The following NUP188 variants were observed in gnomAD, a reference collection of about 807,000 sequenced individuals.
The protein encoded by NUP188 is nucleoporin NUP188.
Under a neutral mutation model 223.0 loss-of-function variants are expected in NUP188, and 97 were observed. The ratio of observed to expected loss-of-function variants is 0.43; its 90% CI spans 0.37 to 0.51. The LOEUF (loss-of-function observed/expected upper bound fraction) is 0.51. Ranked by LOEUF, NUP188 falls within the 20% of genes least tolerant of loss-of-function variation. The pLI is 0.00. For missense variants in NUP188, 1,947 were observed against 2,175.6 expected (o/e 0.89, Z 2.09); for synonymous variants, 869 against 828.0 (o/e 1.05, Z -0.85).
Position 128,982,598 on chromosome 9 carries a change from G to A in NUP188, c.1566G>A (p.Met522Ile), listed in dbSNP as rs770472789. The A allele has an allele frequency of 3.7e-5, 59 of 1,614,020 alleles. 1 individual carries two copies. The South Asian group carries it at 4.9e-4, about 14-fold the overall frequency. Reference protein sequence around the residue: ...RIPQGTVGQVMLDDRAYLVRW... With the variant: ...RIPQGTVGQVILDDRAYLVRW... ...CTCAAGGCACTGTGGGCCAAGTAAT[G>A]TTGGATGATAGGGCATACCTGGTAC... is the stretch of plus-strand genomic sequence containing the variant. The change falls in exon 16 of 44, where the codon ATG (methionine) becomes ATA (isoleucine). Residue 522 changes from methionine to isoleucine, a missense_variant. This residue lies in a region of NUP188 where 817 missense variants were observed against 865.8 expected (regional missense o/e 0.94). Transcript: ENST00000372577.
chr9:128,970,010 C>G (rs1431977064), intron 10 of NUP188, among the ~76,000 whole-genome samples: 2 of 151,684 alleles, frequency 1.3e-5, no homozygotes, highest in African/African-American at 4.8e-5. Context: ...TCACTGCAAC[C>G]TCCACCTCCT....
rs756543489 is a variant in NUP188, at chr9:128,947,702, G to A, written c.-18G>A. On this transcript the variant is annotated 5_prime_UTR_variant, in exon 1 of 44. Coordinates refer to ENST00000372577, the MANE Select transcript of NUP188 (RefSeq NM_015354.3). ...CATGGCGTCTGGGGGCGGGGTTAGG[G>A]CGAGCGGGCGCGCGAAGATGGCGGC... The A allele has an allele frequency of 6.8e-7, 1 of 1,468,530 alleles. No individual in the cohort carries two copies. The highest frequency in any genetic ancestry group is 1.3e-5 in the South Asian group (1 of 75,126). The allele number at this position is 1,468,530 out of a possible 1,614,324, so 91.0% of individuals were successfully genotyped here. A position where few individuals can be genotyped will look rare whatever the true frequency, so the allele number is the denominator to read the frequency against.
intron 8 of NUP188, among the ~76,000 whole-genome samples, chr9:128,960,616 G>A (rs558293381): frequency 1.8e-3 from 278 of 152,240 alleles, no homozygotes; most frequent in African/African-American, 6.5e-3. Context: ...TAAAATTTAA[G>A]TGAAGAGAAC....
intron 10 of NUP188, 21 bp downstream of exon 10, chr9:128,969,535 T>C (rs572606067): frequency 3.6e-6 from 5 of 1,370,526 alleles, no homozygotes; most frequent in Admixed American, 4.9e-5. Flanking sequence ...ATAGCCTCTT[T>C]TTTTTCAGAG....
chr9:129,002,691 C>T, intron 36 of NUP188, 126 bp from the exon 37 acceptor site: 1 of 997,256 alleles, frequency 1.0e-6, no homozygotes, highest in South Asian at 1.7e-5. Context: ...GGTGGCCAGA[C>T]AGTGGCTGTG....
intron 43 of NUP188, 24 bp from the exon 44 acceptor site, chr9:129,006,478 A>T: frequency 3.7e-6 from 6 of 1,611,524 alleles, no homozygotes; most frequent in African/African-American, 1.3e-5. Flanking sequence ...GCTGAGCCTC[A>T]CCAAGCCACT....
At chr9:128,963,863 G>A (rs1841990779) in intron 8 of NUP188, among the ~76,000 whole-genome samples, 1 of 150,626 alleles carries the variant, frequency 6.6e-6, no homozygotes, top group Non-Finnish European at 1.5e-5. Flanking sequence ...GTCGCCCAGG[G>A]TGGAGTGCAG....
chr9:128,981,753 A>C (rs1191638333), intron 15 of NUP188, among the ~76,000 whole-genome samples: 1 of 152,074 alleles, frequency 6.6e-6, no homozygotes, highest in African/African-American at 2.4e-5. Flanking sequence ...TGTTCTTTGC[A>C]CTCAAGTGAT....
At chr9:128,968,060 C>T (rs1588274958) in intron 8 of NUP188, among the ~76,000 whole-genome samples, 1 of 152,138 alleles carries the variant, frequency 6.6e-6, no homozygotes, top group East Asian at 1.9e-4. Flanking sequence ...AATTCAAAAC[C>T]AGCCTGTGCA....
At chr9:128,975,636 C>T (rs1284423687) in intron 12 of NUP188, among the ~76,000 whole-genome samples, 2 of 151,818 alleles carry the variant, frequency 1.3e-5, no homozygotes, top group Non-Finnish European at 2.9e-5. Flanking sequence ...TCTCCTGCCT[C>T]AGTCTCCTGA....
At chr9:128,997,097 A>G (rs763732768) in intron 30 of NUP188, among the ~76,000 whole-genome samples, 6 of 152,260 alleles carry the variant, frequency 3.9e-5, no homozygotes, top group Non-Finnish European at 8.8e-5. Context: ...AGAAGTAGTC[A>G]GGGTGGCCTT....
chr9:128,973,144 T>C lies in NUP188; in HGVS notation c.1114-16T>C, dbSNP rs2131157557. 1 of 1,569,386 alleles carries C rather than the reference T, an allele frequency of 6.4e-7. No individual in the cohort carries two copies. Among genetic ancestry groups the C allele is most frequent in the Non-Finnish European group, 8.8e-7 (1 of 1,141,100 alleles). The stretch of plus-strand genomic sequence containing the variant: ...GTATTACTCAGAATGATTCACTGAC[T>C]CCTTTGTCATTCCAGTGCACCACCA... On this transcript the variant is annotated splice_polypyrimidine_tract_variant and intron_variant, in intron 11 of 43. Transcript: ENST00000372577.
intron 8 of NUP188, among the ~76,000 whole-genome samples, chr9:128,961,590 C>CTATCTATCTATCTAGA (rs1554828101): frequency 2.9e-5 from 4 of 138,124 alleles, no homozygotes; most frequent in African/African-American, 8.9e-5. Flanking sequence ...ATCTATCTAT[C>CTATCTATCTATCTAGA]TAGATAGATA....
Position 129,005,511 on chromosome 9 carries a change from G to GC in NUP188, c.4720dup (p.Gln1574ProfsTer12). 3 of 1,606,748 alleles carry GC rather than the reference G, an allele frequency of 1.9e-6. No individual in the cohort carries two copies. Among genetic ancestry groups the GC allele is most frequent in the Non-Finnish European group, 2.5e-6 (3 of 1,179,976 alleles). ...CTGCGCCACTTCACCCCAGATGTCT[G>GC]CCAGATTCTGCTGGATCAGGTACTG... On this transcript the variant is annotated frameshift_variant, in exon 40 of 44. Transcript: ENST00000372577. LOFTEE classifies it high-confidence loss of function.
Position 128,949,900 on chromosome 9 carries a change from A to G in NUP188, c.87+657A>G, listed in dbSNP as rs17481205. On this transcript the variant is annotated intron_variant, in intron 2 of 43. Coordinates refer to ENST00000372577, the MANE Select transcript of NUP188 (RefSeq NM_015354.3). ...TGCCTTGGCATCTCAAAGTCCTGGG[A>G]TAACAGGCGTGACGGCCACTTTTTT... is the stretch of plus-strand genomic sequence containing the variant. Among the ~76,000 whole-genome samples, 361 of 144,034 alleles carry G rather than the reference A, an allele frequency of 2.5e-3. 7 individuals are homozygous for G. In the East Asian group the frequency reaches 0.043, roughly 17 times the overall value. 94.5% of individuals were successfully genotyped at this position (144,034 alleles called of 152,430 possible). A position where few individuals can be genotyped will look rare whatever the true frequency, so the allele number is the denominator to read the frequency against.
At chr9:128,960,105 A>G (rs912537986) in intron 8 of NUP188, among the ~76,000 whole-genome samples, 2 of 120,812 alleles carry the variant, frequency 1.7e-5, no homozygotes, top group South Asian at 2.5e-4. Context: ...ACTCTGTTGC[A>G]CAGGCTGGAA....
intron 34 of NUP188, 53 bp downstream of exon 34, chr9:128,999,858 G>A (rs1372032175): frequency 6.5e-7 from 1 of 1,544,132 alleles, no homozygotes; most frequent in Non-Finnish European, 8.9e-7. Flanking sequence ...CGCCAGCTCT[G>A]TGCCTGACTC....
At chr9:128,985,857 G>A (rs555534198) in intron 20 of NUP188, among the ~76,000 whole-genome samples, 1 of 152,248 alleles carries the variant, frequency 6.6e-6, no homozygotes, top group Admixed American at 6.5e-5. Context: ...TGGCCAACAT[G>A]GTGAAACCTC....
intron 2 of NUP188, among the ~76,000 whole-genome samples, chr9:128,952,051 C>A (rs1240367709): frequency 6.6e-6 from 1 of 152,106 alleles, no homozygotes; most frequent in Non-Finnish European, 1.5e-5. Context: ...CTTCGGCCTC[C>A]CAAAGTGCTA....
Sources: gnomAD v4.1 joint callset for allele counts (sites outside exome capture counted in the v4.1 genomes callset) on GRCh38, gnomAD v4.1.1 for gene constraint, gnomAD v4.1.1 regional missense constraint, MANE v1.5 for transcripts, NCBI Gene and HGNC (gene_info 2026-07-23, HGNC 2026-07-21) for gene names.